The following ABCC4 variants were observed in gnomAD, a reference collection of about 807,000 sequenced individuals.
ABCC4 encodes ATP-binding cassette sub-family C member 4.
Under a neutral mutation model 168.5 loss-of-function variants are expected in ABCC4, and 102 were observed. That is an observed-to-expected ratio of 0.61 (90% CI 0.52 to 0.71). The LOEUF (loss-of-function observed/expected upper bound fraction) is 0.71. Among genes scored for constraint, ABCC4 ranks in the 30% least tolerant of loss-of-function variants. The pLI is 0.00. For missense variants in ABCC4, 1,402 were observed against 1,605.8 expected (o/e 0.87, Z 2.17); for synonymous variants, 617 against 590.7 (o/e 1.04, Z -0.65).
At chr13:95,210,102 A>C (rs1333782981) in intron 5 of ABCC4, among the ~76,000 whole-genome samples, 1 of 152,258 alleles carries the variant, frequency 6.6e-6, no homozygotes, top group Non-Finnish European at 1.5e-5. Flanking sequence ...AATTGGAAAA[A>C]AGAAGTGGTC....
At chr13:95,156,647 G>A (rs2036866355) in intron 19 of ABCC4, among the ~76,000 whole-genome samples, 1 of 152,106 alleles carries the variant, frequency 6.6e-6, no homozygotes, top group Non-Finnish European at 1.5e-5. Context: ...TTCAACTCAG[G>A]TCATAATCAA....
intron 4 of ABCC4, among the ~76,000 whole-genome samples, chr13:95,218,968 AG>A (rs1444590321): frequency 2.5e-5 from 1 of 40,804 alleles, no homozygotes; most frequent in African/African-American, 1.3e-4. Context: ...AAAGAAAGAA[AG>A]AAAGAAAGAA....
At chr13:95,050,561 TC>T (rs1221075782) in intron 27 of ABCC4, among the ~76,000 whole-genome samples, 1 of 152,154 alleles carries the variant, frequency 6.6e-6, no homozygotes, top group Non-Finnish European at 1.5e-5. Flanking sequence ...ACAGCTGGAA[TC>T]ACACTGGAAA....
chr13:95,204,295 T>C (rs751907208), intron 8 of ABCC4, among the ~76,000 whole-genome samples: 18 of 152,124 alleles, frequency 1.2e-4, no homozygotes, highest in Non-Finnish European at 1.8e-4. Flanking sequence ...CTGAAGGAAA[T>C]ATCCCACACC....
At chr13:95,159,419 G>A (rs1408781871) in intron 19 of ABCC4, among the ~76,000 whole-genome samples, 1 of 151,934 alleles carries the variant, frequency 6.6e-6, no homozygotes, top group Non-Finnish European at 1.5e-5. Flanking sequence ...ATAGGAGGAG[G>A]AAGCAAGATA....
chr13:95,234,918 G>C (rs1396827497), intron 3 of ABCC4, 84 bp from the exon 4 acceptor site: 3 of 965,130 alleles, frequency 3.1e-6, no homozygotes, highest in Non-Finnish European at 4.5e-6. Flanking sequence ...TTCAGATATT[G>C]CTTGCTCTGT....
intron 19 of ABCC4, among the ~76,000 whole-genome samples, chr13:95,134,803 G>A (rs1340887141): frequency 6.6e-6 from 1 of 152,102 alleles, no homozygotes; most frequent in East Asian, 1.9e-4. Context: ...GTCCTGGGAG[G>A]TGGGAAGAGG....
At chr13:95,096,174 C>G (rs2034589769) in intron 20 of ABCC4, 1 of 639,634 alleles carries the variant, frequency 1.6e-6, no homozygotes, top group Non-Finnish European at 2.8e-6. Flanking sequence ...CAGCGAGATC[C>G]CATCTCTATG....
chr13:95,157,855 A>AG (rs2036924942), intron 19 of ABCC4, among the ~76,000 whole-genome samples: 1 of 151,996 alleles, frequency 6.6e-6, no homozygotes, highest in South Asian at 2.1e-4. Context: ...GCAGATCACG[A>AG]GGTCAGGAGA....
chr13:95,282,090 C>T (rs1355758606), intron 1 of ABCC4, among the ~76,000 whole-genome samples: 2 of 149,856 alleles, frequency 1.3e-5, no homozygotes, highest in Non-Finnish European at 3.0e-5. Context: ...GCCTGGACAA[C>T]AGAGCCACTG....
At chr13:95,210,644 A>C in intron 5 of ABCC4, 48 bp downstream of exon 5, 1 of 1,442,978 alleles carries the variant, frequency 6.9e-7, no homozygotes, top group Non-Finnish European at 9.8e-7. Flanking sequence ...AAAAGGGGAA[A>C]GAGGGGTGTT....
intron 1 of ABCC4, among the ~76,000 whole-genome samples, chr13:95,297,268 T>TAAAAA (rs10652333): frequency 1.2e-3 from 171 of 140,294 alleles, no homozygotes; most frequent in South Asian, 5.7e-3. Flanking sequence ...CTCTGTCTCA[T>TAAAAA]AAAAAAAAAA....
chr13:95,210,811 T>C, intron 4 of ABCC4, 30 bp from the exon 5 acceptor site: 1 of 1,550,530 alleles, frequency 6.4e-7, no homozygotes, highest in Non-Finnish European at 8.9e-7. Flanking sequence ...TAGAGAATTG[T>C]ATTCATGCAG....
intron 20 of ABCC4, among the ~76,000 whole-genome samples, chr13:95,100,273 T>C (rs770402098): frequency 9.9e-5 from 15 of 152,206 alleles, no homozygotes; most frequent in Admixed American, 3.3e-4. Context: ...TTAATTTTTT[T>C]CTTTAGGTCT....
intron 20 of ABCC4, among the ~76,000 whole-genome samples, chr13:95,112,223 G>T (rs1240183550): frequency 6.6e-6 from 1 of 151,898 alleles, no homozygotes; most frequent in African/African-American, 2.4e-5. Context: ...AGTGGTGGTG[G>T]TCATCTGTAA....
intron 26 of ABCC4, among the ~76,000 whole-genome samples, chr13:95,057,153 T>C (rs2033091248): frequency 6.6e-6 from 1 of 152,210 alleles, no homozygotes; most frequent in East Asian, 1.9e-4. Context: ...CTAACTATTC[T>C]GTTTAGGGAA....
intron 21 of ABCC4, among the ~76,000 whole-genome samples, chr13:95,075,908 A>G (rs1391572332): frequency 6.6e-6 from 1 of 152,126 alleles, no homozygotes; most frequent in African/African-American, 2.4e-5. Context: ...CTGATTTTTG[A>G]GCCAGTAGGA....
At chr13:95,173,652 G>A (rs945861867) in intron 13 of ABCC4, among the ~76,000 whole-genome samples, 5 of 152,186 alleles carry the variant, frequency 3.3e-5, no homozygotes, top group Admixed American at 2.0e-4. Flanking sequence ...TTTGCCATTC[G>A]AGGACTTAGA....
chr13:95,209,099 G>T (rs1189107362), intron 6 of ABCC4, among the ~76,000 whole-genome samples: 2 of 152,232 alleles, frequency 1.3e-5, no homozygotes, highest in Non-Finnish European at 1.5e-5. Flanking sequence ...TATGCAGCTA[G>T]AATGGAGCCT....
Sources: gnomAD v4.1 joint callset for allele counts (sites outside exome capture counted in the v4.1 genomes callset) on GRCh38, gnomAD v4.1.1 for gene constraint, MANE v1.5 for transcripts, NCBI Gene and HGNC (gene_info 2026-07-23, HGNC 2026-07-21) for gene names.